ST6GALNAC1: variants seen among roughly 807,000 people sequenced by gnomAD.
ST6GALNAC1 encodes the protein alpha-N-acetylgalactosaminide alpha-2,6-sialyltransferase 1.
ST6GALNAC1 carries 45 observed loss-of-function variants against 56.8 expected under a neutral mutation model. That is an observed-to-expected ratio of 0.79 (90% CI 0.62 to 1.02). The LOEUF is 1.02. Among genes scored for constraint, ST6GALNAC1 ranks in the 50% least tolerant of loss-of-function variants. The pLI, the probability that ST6GALNAC1 is intolerant of heterozygous loss-of-function variation, is 0.00. For missense variants in ST6GALNAC1, 743 were observed against 754.8 expected, an observed-to-expected ratio of 0.98 and a Z score of 0.18; for synonymous variants, 295 against 297.8, an observed-to-expected ratio of 0.99 and a Z score of 0.10.
At chr17:76,620,564 ATCTTT>A (rs750579164), downstream of ST6GALNAC1, among the ~76,000 whole-genome samples, 18 of 148,084 alleles carry the variant, frequency 1.2e-4, no homozygotes, top group Non-Finnish European at 2.2e-4. Flanking sequence ...GTTTTGGTAA[ATCTTT>A]TCTTTGTGTT....
Position 76,627,020 on chromosome 17 carries a change from G to C in ST6GALNAC1, c.1172+47C>G, listed in dbSNP as rs763616123. 15 of 1,520,720 alleles carry C rather than the reference G, an allele frequency of 9.9e-6. No individual in the cohort carries two copies. The South Asian group carries it at 1.8e-4, about 19-fold the overall frequency. 94.2% of individuals were successfully genotyped at this position (1,520,720 alleles called of 1,614,324 possible). A position where few individuals can be genotyped will look rare whatever the true frequency, so the allele number is the denominator to read the frequency against. On this transcript the variant is annotated intron_variant, in intron 4 of 8. Transcript: ENST00000156626. The surrounding 1 kb of genome is among the most constrained non-coding windows in gnomAD (Gnocchi z 4.4). Reference sequence around the variant, plus strand: ...GAGAGGGGCTGGAGGGGGGCTGGAGGGGGCAGGAGAGGGGCTGGAGAGGGA... The same window carrying C: ...GAGAGGGGCTGGAGGGGGGCTGGAGCGGGCAGGAGAGGGGCTGGAGAGGGA...
At position 76,629,026 on chromosome 17, in the gene ST6GALNAC1, C is replaced by T; in HGVS notation, c.817G>A (p.Gly273Arg). The T allele has an allele frequency of 6.5e-7, 1 of 1,530,634 alleles. No homozygotes were observed. The highest frequency in any genetic ancestry group is 8.8e-7 in the Non-Finnish European group (1 of 1,140,312). The allele number at this position is 1,530,634 out of a possible 1,614,324, so 94.8% of individuals were successfully genotyped here. Residue 273 changes from glycine to arginine, a missense_variant, in exon 2 of 9, where the codon GGA becomes AGA. Coordinates refer to ENST00000156626, the MANE Select transcript of ST6GALNAC1 (RefSeq NM_018414.5). ...DFEEKYSFEI[G>R]GLQTTCPDSV... ...CAAAAACTCACCGTCTGAAGGCCTC[C>T]TATTTCGAAGCTGTATTTTTCCTCA...
At chr17:76,623,385 C>T (rs976044035), downstream of ST6GALNAC1, among the ~76,000 whole-genome samples, 20 of 152,252 alleles carry the variant, frequency 1.3e-4, no homozygotes, top group African/African-American at 4.3e-4. Flanking sequence ...AGTTTAGGCT[C>T]TAGAAAAAAT....
downstream of ST6GALNAC1, among the ~76,000 whole-genome samples, chr17:76,621,577 G>A (rs147744188): frequency 4.6e-3 from 707 of 152,180 alleles, 9 homozygotes; most frequent in African/African-American, 0.016. Context: ...CCAGGTTCAA[G>A]CAATGCTCCT....
chr17:76,619,668 T>C, the ST6GALNAC1 span, among the ~76,000 whole-genome samples: 2 of 152,146 alleles, frequency 1.3e-5, no homozygotes, highest in Admixed American at 1.3e-4. Flanking sequence ...TTTGTCTTTA[T>C]TCTGAGGATA....
At chr17:76,631,462 G>A (rs2075898402) in intron 1 of ST6GALNAC1, among the ~76,000 whole-genome samples, 1 of 152,140 alleles carries the variant, frequency 6.6e-6, no homozygotes, top group Admixed American at 6.5e-5. Context: ...AAAAGAAAAG[G>A]AAAAATTTAT....
intron 1 of ST6GALNAC1, among the ~76,000 whole-genome samples, chr17:76,643,265 G>A (rs974100933): frequency 2.6e-5 from 4 of 152,190 alleles, no homozygotes; most frequent in South Asian, 2.1e-4. Flanking sequence ...ACTCCTGTAC[G>A]TGTCCCACAG....
intron 6 of ST6GALNAC1, 60 bp downstream of exon 6, chr17:76,626,229 A>G: frequency 6.3e-7 from 1 of 1,575,690 alleles, no homozygotes; most frequent in Non-Finnish European, 8.7e-7. Flanking sequence ...CCAACCCTTT[A>G]GAGCCACTCA....
At chr17:76,634,155 C>T (rs1223547715) in intron 1 of ST6GALNAC1, among the ~76,000 whole-genome samples, 1 of 152,168 alleles carries the variant, frequency 6.6e-6, no homozygotes, top group Admixed American at 6.5e-5. Flanking sequence ...AGGTGAGTTG[C>T]GCCTGGTATG....
At position 76,627,389 on chromosome 17, in the gene ST6GALNAC1, C is replaced by T. The variant is rs371186856; in HGVS notation, c.1000+26G>A. ...TCTGCCCCGGCCTACTGCGCACCCACACCTTCCCCTGGGTTAAGGACTCAC... is the reference window on the plus strand; with the variant it reads ...TCTGCCCCGGCCTACTGCGCACCCATACCTTCCCCTGGGTTAAGGACTCAC... On this transcript the variant is annotated intron_variant, in intron 3 of 8. Coordinates refer to ENST00000156626, the MANE Select transcript of ST6GALNAC1 (RefSeq NM_018414.5). This position sits in a 1 kb window ranked among gnomAD's most constrained non-coding sequence, Gnocchi z 4.4. 4.5e-5 allele frequency: 73 copies of T among 1,613,162 alleles called. No homozygotes were observed. Among genetic ancestry groups the T allele is most frequent in the Middle Eastern group, 3.4e-4 (2 of 5,928 alleles).
At chr17:76,622,664 A>T (rs1406570881), downstream of ST6GALNAC1, among the ~76,000 whole-genome samples, 1 of 152,116 alleles carries the variant, frequency 6.6e-6, no homozygotes, top group African/African-American at 2.4e-5. Context: ...CGCCTGGCCC[A>T]TTTTATTAAT....
chr17:76,641,353 C>T (rs1030846910), intron 1 of ST6GALNAC1, among the ~76,000 whole-genome samples: 3 of 151,898 alleles, frequency 2.0e-5, no homozygotes, highest in Admixed American at 6.6e-5. Context: ...TAAATTATCC[C>T]ACTGCATTTA....
At chr17:76,620,116 T>C (rs1044402917), downstream of ST6GALNAC1, among the ~76,000 whole-genome samples, 1 of 151,914 alleles carries the variant, frequency 6.6e-6, no homozygotes, top group Non-Finnish European at 1.5e-5. Flanking sequence ...TCTTGGCTCA[T>C]TGCAACCTCT....
chr17:76,638,555 G>T (rs149401957), intron 1 of ST6GALNAC1, among the ~76,000 whole-genome samples: 1 of 151,868 alleles, frequency 6.6e-6, no homozygotes, highest in Non-Finnish European at 1.5e-5. Context: ...ACCACGCCTG[G>T]CTAACTTTTG....
chr17:76,629,597 C>T lies in ST6GALNAC1; in HGVS notation c.246G>A (p.Glu82=). ...RTTIYAEPVP[E]NNALNTQTQP... ...GGGTTTGTGTGTTGAGGGCATTGTT[C>T]TCTGGCACTGGCTCTGCATAGATGG... is the stretch of plus-strand genomic sequence containing the variant. Residue 82 remains glutamate, a synonymous_variant, in exon 2 of 9, where the codon GAG becomes GAA. Coordinates refer to ENST00000156626, the MANE Select transcript of ST6GALNAC1 (RefSeq NM_018414.5). 1 of 1,613,620 alleles carries T rather than the reference C, an allele frequency of 6.2e-7. No homozygotes were observed. The highest frequency in any genetic ancestry group is 8.5e-7 in the Non-Finnish European group (1 of 1,179,744).
chr17:76,643,702 G>T lies in ST6GALNAC1; in HGVS notation c.-64C>A. 1.3e-6 allele frequency: 2 copies of T among 1,550,168 alleles called. No homozygotes were observed. Among genetic ancestry groups the T allele is most frequent in the South Asian group, 1.1e-5 (1 of 88,286 alleles). On this transcript the variant is annotated 5_prime_UTR_variant, in exon 1 of 9. Transcript: ENST00000156626. ...CTGGGGCCTTGATGTAGGCAGCTGG[G>T]AGTCTCACCGCTCAGGTTTCCTGGC...
intron 1 of ST6GALNAC1, chr17:76,637,739 G>T (rs2075996773): frequency 5.0e-6 from 2 of 398,998 alleles, no homozygotes; most frequent in East Asian, 7.1e-5. Context: ...ATACCATCCT[G>T]CAGAGGGGCA....
chr17:76,641,428 A>G (rs2076046540), intron 1 of ST6GALNAC1, among the ~76,000 whole-genome samples: 1 of 152,216 alleles, frequency 6.6e-6, no homozygotes, highest in Admixed American at 6.5e-5. Flanking sequence ...TCCTACAAAT[A>G]TGAAAAAAAT....
Position 76,625,447 on chromosome 17 carries a change from G to A in ST6GALNAC1, c.1686C>T (p.Ile562=). ...HYYDTSWKRL[I]FYINHDFKLE... ...GCTTGAAGTCATGGTTTATGTAAAAGATCAGCCGCTTCCATGATGTATCAT... is the reference window on the plus strand; with the variant it reads ...GCTTGAAGTCATGGTTTATGTAAAAAATCAGCCGCTTCCATGATGTATCAT... The change falls in exon 9 of 9, where the codon ATC becomes ATT. Residue 562 remains isoleucine (I), a synonymous_variant. Transcript: ENST00000156626. 1.2e-6 allele frequency: 2 copies of A among 1,614,166 alleles called. No homozygotes were observed. The highest frequency in any genetic ancestry group is 1.7e-6 in the Non-Finnish European group (2 of 1,180,040).
Sources: gnomAD v4.1 joint callset for allele counts (sites outside exome capture counted in the v4.1 genomes callset) on GRCh38, gnomAD v4.1.1 for gene constraint, Gnocchi (gnomAD v3.1) non-coding constraint, MANE v1.5 for transcripts, NCBI Gene and HGNC (gene_info 2026-07-23, HGNC 2026-07-21) for gene names.